YWHAQ: variants seen among roughly 807,000 people sequenced by gnomAD.
YWHAQ encodes tyrosine 3-monooxygenase/tryptophan 5-monooxygenase activation protein theta, also known as 14-3-3 protein theta.
In YWHAQ, 6 loss-of-function variants were observed where a neutral mutation model predicts 28.3. The observed-to-expected ratio is 0.21, with a 90% CI of 0.12 to 0.42. YWHAQ has a LOEUF of 0.42. Ranked by LOEUF, YWHAQ falls within the 10% of genes least tolerant of loss-of-function variation. YWHAQ has a pLI of 1.00. For missense variants in YWHAQ, 201 were observed against 305.6 expected (o/e 0.66, Z 2.55); for synonymous variants, 143 against 119.1 (o/e 1.20, Z -1.31).
At chr2:9,622,616 G>A (rs1273006437) in intron 2 of YWHAQ, among the ~76,000 whole-genome samples, 1 of 152,114 alleles carries the variant, frequency 6.6e-6, no homozygotes, top group African/African-American at 2.4e-5. Context: ...TTATAATAGG[G>A]AATTTTAAAG....
intron 3 of YWHAQ, 79 bp downstream of exon 3, chr2:9,591,313 G>T: frequency 1.3e-6 from 2 of 1,501,092 alleles, no homozygotes; most frequent in Non-Finnish European, 1.8e-6. Flanking sequence ...TGAAGACTAC[G>T]TATACTGTCA....
At chr2:9,605,553 C>T (rs1164136509) in intron 2 of YWHAQ, among the ~76,000 whole-genome samples, 1 of 152,080 alleles carries the variant, frequency 6.6e-6, no homozygotes, top group African/African-American at 2.4e-5. Flanking sequence ...CTTGTACATT[C>T]TTTTTGTTGT....
chr2:9,585,664 T>C (rs938027625), intron 5 of YWHAQ, among the ~76,000 whole-genome samples: 1 of 152,048 alleles, frequency 6.6e-6, no homozygotes, highest in African/African-American at 2.4e-5. Flanking sequence ...TCTCAGCACG[T>C]AGGGAGGCCA....
Position 9,585,362 on chromosome 2 carries a change from C to G in YWHAQ, c.679-17G>C. 3 of 1,613,830 alleles carry G rather than the reference C, an allele frequency of 1.9e-6. 1 individual carries two copies. The East Asian group carries it at 6.7e-5, about 36-fold the overall frequency. ...TGTCCAAAGCTAGAAAAAGAAGAAT[C>G]ATATTAAGTTACTATTTCTAGATTA... On this transcript the variant is annotated splice_polypyrimidine_tract_variant and intron_variant, in intron 5 of 5. Coordinates refer to ENST00000238081, the MANE Select transcript of YWHAQ (RefSeq NM_006826.4).
At chr2:9,596,897 A>C (rs1264956256) in intron 2 of YWHAQ, among the ~76,000 whole-genome samples, 1 of 152,190 alleles carries the variant, frequency 6.6e-6, no homozygotes, top group Non-Finnish European at 1.5e-5. Context: ...CGCCCTCTTC[A>C]GTCTCCCAAA....
intron 2 of YWHAQ, among the ~76,000 whole-genome samples, chr2:9,622,149 C>T (rs117916783): frequency 6.6e-6 from 1 of 151,028 alleles, no homozygotes; most frequent in African/African-American, 2.4e-5. Flanking sequence ...GAAACCTGCA[C>T]GTCCTGCACT....
intron 2 of YWHAQ, among the ~76,000 whole-genome samples, chr2:9,620,277 T>A (rs191806128): frequency 7.9e-5 from 12 of 152,300 alleles, no homozygotes; most frequent in African/African-American, 2.9e-4. Context: ...GAATATGTAT[T>A]TAGTACCACA....
intron 2 of YWHAQ, among the ~76,000 whole-genome samples, chr2:9,607,587 T>C (rs758207293): frequency 2.6e-5 from 4 of 152,146 alleles, no homozygotes; most frequent in Non-Finnish European, 5.9e-5. Flanking sequence ...ATGACTGTGA[T>C]TTCAGCACAA....
intron 3 of YWHAQ, among the ~76,000 whole-genome samples, chr2:9,588,679 G>A (rs921066546): frequency 6.6e-6 from 1 of 152,202 alleles, no homozygotes; most frequent in Non-Finnish European, 1.5e-5. Context: ...GCTGAGGCAT[G>A]AGAATCGCTT....
At chr2:9,586,081 A>G (rs1666338657) in intron 5 of YWHAQ, among the ~76,000 whole-genome samples, 2 of 152,330 alleles carry the variant, frequency 1.3e-5, no homozygotes, top group South Asian at 4.1e-4. Flanking sequence ...AAAAAGCCAC[A>G]ATCATGGTTA....
In YWHAQ at chr2:9,630,567, A is replaced by T. The variant is rs1667351462; in HGVS notation, c.-82-33T>A. 1 of 1,077,560 alleles carries T rather than the reference A, an allele frequency of 9.3e-7. No individual in the cohort carries two copies. Among genetic ancestry groups the T allele is most frequent in the South Asian group, 1.7e-5 (1 of 60,096 alleles). 66.7% of individuals were successfully genotyped at this position (1,077,560 alleles called of 1,614,324 possible). On this transcript the variant is annotated intron_variant, in intron 1 of 5. Coordinates refer to ENST00000238081, the MANE Select transcript of YWHAQ (RefSeq NM_006826.4). This position sits in a 1 kb window ranked among gnomAD's most constrained non-coding sequence, Gnocchi z 5.6. ...GGGGCGGGGCGGCGAGGCGAGAACAAAAAGCAGAGAGGGAGCGCCGTCAGA... is the reference window on the plus strand; with the variant it reads ...GGGGCGGGGCGGCGAGGCGAGAACATAAAGCAGAGAGGGAGCGCCGTCAGA...
intron 3 of YWHAQ, 147 bp from the exon 4 acceptor site, chr2:9,588,475 A>G: frequency 2.0e-6 from 2 of 1,005,238 alleles, no homozygotes; most frequent in East Asian, 6.1e-5. Flanking sequence ...GTAGCTAACA[A>G]AAAACATTAT....
chr2:9,617,919 C>A (rs1667067087), intron 2 of YWHAQ, among the ~76,000 whole-genome samples: 2 of 150,810 alleles, frequency 1.3e-5, no homozygotes, highest in South Asian at 2.1e-4. Flanking sequence ...AGAGTGAGAC[C>A]CTCTGCCAAA....
At chr2:9,594,203 AAAC>A (rs1397780222) in intron 2 of YWHAQ, among the ~76,000 whole-genome samples, 1 of 152,078 alleles carries the variant, frequency 6.6e-6, no homozygotes, top group Non-Finnish European at 1.5e-5. Context: ...TTAACTGTAA[AAAC>A]AACAGACAAA....
intron 2 of YWHAQ, among the ~76,000 whole-genome samples, chr2:9,607,725 T>C (rs533679837): frequency 4.7e-4 from 71 of 150,780 alleles, no homozygotes; most frequent in African/African-American, 1.5e-3. Flanking sequence ...TTTTTTTTTT[T>C]TTTTGAGACA....
intron 2 of YWHAQ, among the ~76,000 whole-genome samples, chr2:9,603,448 TTTTTTTAGAAGAGACGGGG>T (rs1267376550): frequency 6.6e-6 from 1 of 151,472 alleles, no homozygotes; most frequent in Non-Finnish European, 1.5e-5. Flanking sequence ...TTTTCTAATT[TTTTTTTAGAAGAGACGGGG>T]TTTCTCCATG....
In YWHAQ at chr2:9,630,611, G is replaced by T; in HGVS notation, c.-82-77C>A. 1 of 662,598 alleles carries T rather than the reference G, an allele frequency of 1.5e-6. No homozygotes were observed. The highest frequency in any genetic ancestry group is 2.4e-6 in the Non-Finnish European group (1 of 418,424). The allele number at this position is 662,598 out of a possible 1,614,324, so 41.0% of individuals were successfully genotyped here. A position where few individuals can be genotyped will look rare whatever the true frequency, so the allele number is the denominator to read the frequency against. ...CGTCAGACAATGCGGCCCGCCGCCC[G>T]CTTTTGTCTCCCGCACACGCGGCCG... On this transcript the variant is annotated intron_variant, in intron 1 of 5. Transcript: ENST00000238081. This position sits in a 1 kb window ranked among gnomAD's most constrained non-coding sequence, Gnocchi z 5.6.
chr2:9,605,565 G>A (rs1031105416), intron 2 of YWHAQ, among the ~76,000 whole-genome samples: 1 of 151,956 alleles, frequency 6.6e-6, no homozygotes, highest in African/African-American at 2.4e-5. Flanking sequence ...TTTTGTTGTT[G>A]TTGTTTTGTT....
At chr2:9,594,785 C>CTTAGGG (rs1666532784) in intron 2 of YWHAQ, among the ~76,000 whole-genome samples, 3 of 152,152 alleles carry the variant, frequency 2.0e-5, no homozygotes, top group African/African-American at 7.2e-5. Flanking sequence ...TGAGAAAAGT[C>CTTAGGG]TGACTAGAAC....
Sources: allele counts gnomAD v4.1 joint callset (sites outside exome capture counted in the v4.1 genomes callset), GRCh38; gene constraint gnomAD v4.1.1; non-coding constraint Gnocchi (gnomAD v3.1); transcripts MANE v1.5; gene names NCBI Gene and HGNC (gene_info 2026-07-23, HGNC 2026-07-21).